BOD1L1: variants seen among roughly 807,000 people sequenced by gnomAD.
BOD1L1 encodes the protein biorientation of chromosomes in cell division 1 like 1.
A neutral mutation model predicts 240.7 loss-of-function variants in BOD1L1; 86 were observed. That is an observed-to-expected ratio of 0.36 (90% CI 0.30 to 0.43). The LOEUF (loss-of-function observed/expected upper bound fraction) is 0.43, where lower values mean the gene tolerates loss of function less well. Ranked by LOEUF, BOD1L1 falls within the 20% of genes least tolerant of loss-of-function variation. The pLI is 1.00. For synonymous variants in BOD1L1, 1,268 were observed against 1,272.3 expected (o/e 1.00, Z 0.07); for missense variants, 3,554 against 3,643.5 (o/e 0.98, Z 0.63).
Position 13,609,319 on chromosome 4 carries a change from T to C in BOD1L1, c.1579A>G (p.Lys527Glu), listed in dbSNP as rs768241973. Residue 527 changes from lysine to glutamate, a missense_variant, in exon 7 of 26, where the codon AAG becomes GAG. By Grantham distance (56) the Lys-to-Glu change is moderately conservative (BLOSUM62 1). Transcript: ENST00000040738. ...EKRKQKAEKT[K>E]SSKTKGQGRS... ...CCTTGACCCTTGGTTTTTGAAGACT[T>C]TGTCTTTTCTGCTTTCTGTTTTCGT... is the stretch of plus-strand genomic sequence containing the variant. The C allele has an allele frequency of 3.9e-6, 6 of 1,554,076 alleles. No individual in the cohort carries two copies. The highest frequency in any genetic ancestry group is 2.3e-5 in the East Asian group (1 of 42,720).
rs922020199 is a variant in BOD1L1, at chr4:13,595,912, A to G, written c.8052T>C (p.Gly2684=). The change falls in exon 12 of 26, where the codon GGT becomes GGC. Residue 2684 remains glycine (G), a synonymous_variant. Transcript: ENST00000040738. Reference sequence around the variant, plus strand: ...GACTTTCTGGTGGTGCCAGAATTTCACCATTTTTCTCTTCCTCTGAAGGCA... The same window carrying G: ...GACTTTCTGGTGGTGCCAGAATTTCGCCATTTTTCTCTTCCTCTGAAGGCA... ...AYVPSEEEKN[G]EILAPPESLC... 22 of 1,613,662 alleles carry G rather than the reference A, an allele frequency of 1.4e-5. No individual in the cohort carries two copies. Among genetic ancestry groups the G allele is most frequent in the Non-Finnish European group, 1.7e-5 (20 of 1,179,858 alleles).
At chr4:13,621,609 T>C (rs960120800) in intron 1 of BOD1L1, among the ~76,000 whole-genome samples, 1 of 152,240 alleles carries the variant, frequency 6.6e-6, no homozygotes, top group Non-Finnish European at 1.5e-5. Context: ...CATTGATGTG[T>C]AAGCCTCCTC....
intron 12 of BOD1L1, 77 bp downstream of exon 12, chr4:13,595,783 T>C: frequency 8.9e-7 from 1 of 1,124,832 alleles, no homozygotes; most frequent in South Asian, 1.3e-5. Flanking sequence ...ATGCATCAGC[T>C]ATTGATTTTT....
chr4:13,608,858 A>T (rs972974636), intron 7 of BOD1L1, among the ~76,000 whole-genome samples, 190 bp from the exon 8 acceptor site: 2 of 152,160 alleles, frequency 1.3e-5, no homozygotes, highest in African/African-American at 4.8e-5. Context: ...TGATCACATA[A>T]GTGTGTGTAT....
rs1714846216 is a variant in BOD1L1 at position 13,599,049 on chromosome 4, T to C, written c.7851A>G (p.Ala2617=). 1.2e-5 allele frequency: 20 copies of C among 1,613,944 alleles called. 1 individual carries two copies. Among genetic ancestry groups the C allele is most frequent in the Middle Eastern group, 3.3e-4 (2 of 6,084 alleles). Residue 2617 remains alanine (A), a synonymous_variant, in exon 10 of 26, where the codon GCA becomes GCG. Transcript: ENST00000040738. ...TATCATCTCCTGTTTTCTCAGCAGA[T>C]GCTTGATCAGTCCATTTGCCACTAT... is the stretch of plus-strand genomic sequence containing the variant. ...NDYSGKWTDQ[A]SAEKTGDDNS... is the part of the protein sequence containing the mutation.
chr4:13,601,308 G>A lies in BOD1L1; in HGVS notation c.5592C>T (p.Asp1864=), dbSNP rs764168260. 1.5e-5 allele frequency: 25 copies of A among 1,613,610 alleles called. No individual in the cohort carries two copies. The highest frequency in any genetic ancestry group is 1.7e-5 in the Non-Finnish European group (20 of 1,179,850). Residue 1864 remains aspartate, a synonymous_variant, in exon 10 of 26, where the codon GAC becomes GAT. Transcript: ENST00000040738. ...IVTSTGAKEE[D]EEGEDVVTST... is the part of the protein sequence containing the mutation. ...TAGTCACAACATCCTCCCCTTCCTC[G>A]TCTTCCTCTTTTGCGCCTGTGCTAG...
At position 13,627,558 on chromosome 4, in the gene BOD1L1, A is replaced by G. The variant is rs1444915343; in HGVS notation, c.30T>C (p.Pro10=). 9 of 1,133,350 alleles carry G rather than the reference A, an allele frequency of 7.9e-6. No individual in the cohort carries two copies. Among genetic ancestry groups the G allele is most frequent in the Admixed American group, 1.0e-4 (2 of 20,066 alleles). The allele number at this position is 1,133,350 out of a possible 1,614,324, so 70.2% of individuals were successfully genotyped here. A position where few individuals can be genotyped will look rare whatever the true frequency, so the allele number is the denominator to read the frequency against. The stretch of plus-strand genomic sequence containing the variant: ...GCGGGGGAGGCGGCGGCGCCGGAGG[A>G]GGCGGCTGCGGCTGTGGGTTGGTGG... MATNPQPQP[P]PPAPPPPPPQ... is the part of the protein sequence containing the mutation. Residue 10 remains proline (P), a synonymous_variant, in exon 1 of 26, where the codon CCT becomes CCC. Transcript: ENST00000040738.
chr4:13,603,884 C>T lies in BOD1L1; in HGVS notation c.3016G>A (p.Asp1006Asn), dbSNP rs778855949. 1.2e-6 allele frequency: 2 copies of T among 1,613,654 alleles called. No homozygotes were observed. The highest frequency in any genetic ancestry group is 3.3e-5 in the Admixed American group (2 of 60,020). Residue 1006 changes from aspartate to asparagine, a missense_variant, in exon 10 of 26, where the codon GAC (aspartate) becomes AAC (asparagine). Transcript: ENST00000040738. Reference protein sequence around the residue: ...LAKEKYKSDKDSTSTRLERKL... With the variant: ...LAKEKYKSDKNSTSTRLERKL... Reference sequence around the variant, plus strand: ...CTCTCAAGCCTGGTGGAAGTGGAGTCTTTATCACTCTTATATTTCTCCTTT... The same window carrying T: ...CTCTCAAGCCTGGTGGAAGTGGAGTTTTTATCACTCTTATATTTCTCCTTT...
At chr4:13,584,782 C>G (rs963080402) in intron 17 of BOD1L1, among the ~76,000 whole-genome samples, 1 of 152,078 alleles carries the variant, frequency 6.6e-6, no homozygotes, top group Non-Finnish European at 1.5e-5. Flanking sequence ...TTTGGTCTTA[C>G]TATACACATT....
chr4:13,580,907 T>C, intron 21 of BOD1L1, 113 bp downstream of exon 21: 2 of 994,944 alleles, frequency 2.0e-6, no homozygotes, highest in Non-Finnish European at 2.9e-6. Flanking sequence ...TTACTCAGTC[T>C]TTTAAAGCTT....
In BOD1L1 at chr4:13,600,465, G is replaced by A; in HGVS notation, c.6435C>T (p.Ser2145=). Residue 2145 remains serine, a synonymous_variant, in exon 10 of 26, where the codon TCC becomes TCT. Coordinates refer to ENST00000040738, the MANE Select transcript of BOD1L1 (RefSeq NM_148894.3). ...SEEKDECAMI[S]TSIGEEFELP... ...ATTCGAATTCTTCCCCTATGCTTGT[G>A]GAAATCATGGCACACTCATCTTTCT... The A allele has an allele frequency of 4.3e-6, 7 of 1,613,882 alleles. No homozygotes were observed. The Admixed American group carries it at 6.7e-5, about 15-fold the overall frequency.
chr4:13,579,993 CAAAA>C lies in BOD1L1; in HGVS notation c.8704-24_8704-21del. 6.6e-7 allele frequency: 1 copy of C among 1,524,546 alleles called. No individual in the cohort carries two copies. Among genetic ancestry groups the C allele is most frequent in the Non-Finnish European group, 8.9e-7 (1 of 1,127,230 alleles). The allele number at this position is 1,524,546 out of a possible 1,614,324, so 94.4% of individuals were successfully genotyped here. ...TTCTACCTATGTTTAAATAAACAAA[CAAAA>C]AAAAATTTTAAATCAGCAGTTTATA... On this transcript the variant is annotated intron_variant, in intron 21 of 25. Transcript: ENST00000040738.
chr4:13,599,970 G>T lies in BOD1L1; in HGVS notation c.6930C>A (p.Leu2310=), dbSNP rs199562175. 2.6e-4 allele frequency: 425 copies of T among 1,611,802 alleles called. 2 individuals are homozygous for T. Among genetic ancestry groups the T allele is most frequent in the Non-Finnish European group, 9.3e-6 (11 of 1,178,854 alleles). Residue 2310 remains leucine (L), a synonymous_variant, in exon 10 of 26, where the codon CTC becomes CTA. Transcript: ENST00000040738. The stretch of plus-strand genomic sequence containing the variant: ...TGATGGTGAGCCGATCTTCATCCTG[G>T]AGGACAGCACCAATCATGACTGCTT... ...GCEAVMIGAV[L]QDEDRLTITR...
intron 14 of BOD1L1, 129 bp downstream of exon 14, chr4:13,590,257 T>C: frequency 2.0e-6 from 1 of 490,638 alleles, no homozygotes; most frequent in Non-Finnish European, 3.6e-6. Flanking sequence ...ACTATCACTT[T>C]ACTGAATTTT....
intron 1 of BOD1L1, among the ~76,000 whole-genome samples, chr4:13,626,947 C>A (rs184228738): frequency 6.6e-6 from 1 of 152,328 alleles, no homozygotes; most frequent in African/African-American, 2.4e-5. Flanking sequence ...ACCATTTAGT[C>A]ATTTCTCCAA....
rs762957274 is a variant in BOD1L1, at chr4:13,611,065, G to C, written c.1360C>G (p.Gln454Glu). 1.2e-5 allele frequency: 19 copies of C among 1,610,174 alleles called. No homozygotes were observed. The East Asian group carries it at 2.9e-4, about 25-fold the overall frequency. Residue 454 changes from glutamine (Q) to glutamate (E), a missense_variant, in exon 6 of 26, where the codon CAA becomes GAA. By Grantham distance (29) the Gln-to-Glu change is conservative. Transcript: ENST00000040738. ...EKNKQNKTKT[Q>E]TSDSSEGKTK... Reference sequence around the variant, plus strand: ...TTTCCTTCACTAGAATCACTAGTTTGAGTTTTTGTTTTATTCTGTTTGTTC... The same window carrying C: ...TTTCCTTCACTAGAATCACTAGTTTCAGTTTTTGTTTTATTCTGTTTGTTC...
At chr4:13,587,327 A>G (rs2108906605) in intron 16 of BOD1L1, among the ~76,000 whole-genome samples, 1 of 152,352 alleles carries the variant, frequency 6.6e-6, no homozygotes, top group South Asian at 2.1e-4. Flanking sequence ...AATCAACAGT[A>G]TGAAGCACAG....
rs1188805806 is a variant in BOD1L1, at chr4:13,627,459, G to GCCGCCCGCC, written c.120_128dup (p.Gly43_Gly45dup). 1.4e-5 allele frequency: 16 copies of GCCGCCCGCC among 1,156,724 alleles called. No individual in the cohort carries two copies. The East Asian group carries it at 1.4e-4, about 10-fold the overall frequency. The allele number at this position is 1,156,724 out of a possible 1,614,324, so 71.7% of individuals were successfully genotyped here. A position where few individuals can be genotyped will look rare whatever the true frequency, so the allele number is the denominator to read the frequency against. On this transcript the variant is annotated inframe_insertion, in exon 1 of 26. Coordinates refer to ENST00000040738, the MANE Select transcript of BOD1L1 (RefSeq NM_148894.3). ...GCGGGTCCCCGGCGCCCGCACCCGC[G>GCCGCCCGCC]CCGCCCGCCCCGCCCGCGCCGGGGC...
chr4:13,619,665 A>G (rs1324283307), intron 2 of BOD1L1, among the ~76,000 whole-genome samples: 3 of 152,202 alleles, frequency 2.0e-5, no homozygotes, highest in Non-Finnish European at 2.9e-5. Flanking sequence ...ATCTATTAAT[A>G]TTATATCTAG....
Sources: gnomAD v4.1 joint callset for allele counts (sites outside exome capture counted in the v4.1 genomes callset) on GRCh38, gnomAD v4.1.1 for gene constraint, MANE v1.5 for transcripts, NCBI Gene and HGNC (gene_info 2026-07-23, HGNC 2026-07-21) for gene names.